TTC28: variants seen among roughly 807,000 people sequenced by gnomAD.
The protein encoded by TTC28 is tetratricopeptide repeat domain 28.
Under a neutral mutation model 198.0 loss-of-function variants are expected in TTC28, and 61 were observed. The observed-to-expected ratio is 0.31, with a 90% CI of 0.25 to 0.38. The LOEUF is 0.38. Ranked by LOEUF, TTC28 falls within the 10% of genes least tolerant of loss-of-function variation. The pLI is 1.00. For missense variants in TTC28, 2,678 were observed against 3,164.0 expected, an observed-to-expected ratio of 0.85 and a Z score of 3.69; for synonymous variants, 1,171 against 1,297.8, an observed-to-expected ratio of 0.90 and a Z score of 2.10.
intron 2 of TTC28, among the ~76,000 whole-genome samples, chr22:28,589,867 G>A (rs888916501): frequency 4.0e-5 from 6 of 151,256 alleles, no homozygotes; most frequent in East Asian, 2.0e-4. Context: ...GTGAAACCCC[G>A]TCTCTACTAA....
At chr22:28,182,635 C>T (rs1923808424) in intron 5 of TTC28, among the ~76,000 whole-genome samples, 1 of 152,140 alleles carries the variant, frequency 6.6e-6, no homozygotes, top group Non-Finnish European at 1.5e-5. Flanking sequence ...ATTACAGCCC[C>T]CCTGCTAAAA....
intron 16 of TTC28, chr22:27,997,746 T>C (rs1034193427): frequency 4.6e-5 from 7 of 152,274 alleles, no homozygotes; most frequent in African/African-American, 1.7e-4. Flanking sequence ...TGAGGTATGT[T>C]GGTAAAACAG....
At chr22:28,610,900 C>A (rs2050807476) in intron 2 of TTC28, among the ~76,000 whole-genome samples, 1 of 152,030 alleles carries the variant, frequency 6.6e-6, no homozygotes, top group South Asian at 2.1e-4. Flanking sequence ...AGCAGAAAAA[C>A]ACAGCATGAG....
intron 19 of TTC28, 67 bp downstream of exon 19, chr22:27,992,520 A>G: frequency 6.6e-7 from 1 of 1,508,034 alleles, no homozygotes; most frequent in Non-Finnish European, 8.9e-7. Context: ...TTTAGGGCCA[A>G]GTTGCTCTGC....
At chr22:28,671,715 G>A (rs149172704) in intron 1 of TTC28, among the ~76,000 whole-genome samples, 4,337 of 146,064 alleles carry the variant, frequency 0.03, 206 homozygotes, top group African/African-American at 0.1. Context: ...TTGCTTTGTC[G>A]CCCAGGCTGG....
chr22:28,444,282 CA>C (rs1294731056), intron 2 of TTC28, among the ~76,000 whole-genome samples: 1 of 152,116 alleles, frequency 6.6e-6, no homozygotes, highest in Non-Finnish European at 1.5e-5. Flanking sequence ...ACTGATGTAC[CA>C]ATGTTCCAAC....
chr22:28,017,236 G>A (rs188218551), intron 13 of TTC28, among the ~76,000 whole-genome samples: 4 of 152,362 alleles, frequency 2.6e-5, no homozygotes, highest in Non-Finnish European at 5.9e-5. Context: ...AAGTGCTAAC[G>A]GCGGTGGCAT....
At chr22:28,522,700 G>C (rs1234184146) in intron 2 of TTC28, among the ~76,000 whole-genome samples, 2 of 152,002 alleles carry the variant, frequency 1.3e-5, no homozygotes, top group African/African-American at 4.8e-5. Flanking sequence ...ACTAAAAAAG[G>C]TATGAAGTAC....
intron 2 of TTC28, among the ~76,000 whole-genome samples, chr22:28,520,074 A>G (rs2048872591): frequency 6.6e-6 from 1 of 152,204 alleles, no homozygotes; most frequent in Non-Finnish European, 1.5e-5. Context: ...CACAAAAGCC[A>G]GTTTCTATAG....
chr22:28,375,960 C>A (rs1032083407), intron 2 of TTC28, among the ~76,000 whole-genome samples: 1 of 152,196 alleles, frequency 6.6e-6, no homozygotes, highest in African/African-American at 2.4e-5. Context: ...TAGCCTTGGA[C>A]TGAGTATTAT....
At chr22:28,591,769 T>A (rs1422779518) in intron 2 of TTC28, among the ~76,000 whole-genome samples, 1 of 152,070 alleles carries the variant, frequency 6.6e-6, no homozygotes, top group Non-Finnish European at 1.5e-5. Context: ...ACAATATGAC[T>A]CAAAGATTTT....
At chr22:28,140,934 AGAGGAGGAGGAG>A (rs57274885) in intron 6 of TTC28, among the ~76,000 whole-genome samples, 5 of 150,916 alleles carry the variant, frequency 3.3e-5, no homozygotes, top group East Asian at 1.9e-4. Context: ...ATGCAAAGGA[AGAGGAGGAGGAG>A]GAGGAGGAGG....
intron 2 of TTC28, among the ~76,000 whole-genome samples, chr22:28,601,521 T>C (rs1006319881): frequency 5.3e-5 from 8 of 152,290 alleles, no homozygotes; most frequent in South Asian, 2.1e-4. Flanking sequence ...GTATTAAATA[T>C]TATAAGTAGT....
intron 12 of TTC28, among the ~76,000 whole-genome samples, chr22:28,066,301 T>TG (rs1248722700): frequency 1.9e-4 from 29 of 150,822 alleles, no homozygotes; most frequent in Non-Finnish European, 3.1e-4. Flanking sequence ...TGTGTGTGTG[T>TG]GTGGTGTGTG....
At chr22:28,452,264 C>T (rs551782188) in intron 2 of TTC28, among the ~76,000 whole-genome samples, 1 of 151,866 alleles carries the variant, frequency 6.6e-6, no homozygotes, top group South Asian at 2.1e-4. Context: ...GTGGCATGCA[C>T]CTGTAGTCCC....
chr22:28,383,906 A>T (rs1358563994), intron 2 of TTC28, among the ~76,000 whole-genome samples: 1 of 152,222 alleles, frequency 6.6e-6, no homozygotes, highest in Non-Finnish European at 1.5e-5. Context: ...CTATTAGAGT[A>T]AAATCTAAAG....
chr22:28,498,856 G>A (rs1400876372), intron 2 of TTC28, among the ~76,000 whole-genome samples: 1 of 152,070 alleles, frequency 6.6e-6, no homozygotes, highest in African/African-American at 2.4e-5. Context: ...TCTTTACTGG[G>A]CCAATATATT....
intron 5 of TTC28, among the ~76,000 whole-genome samples, chr22:28,266,914 C>T (rs1178155965): frequency 1.3e-5 from 2 of 152,264 alleles, no homozygotes; most frequent in African/African-American, 4.8e-5. Context: ...AGAATGACTA[C>T]ATGATGGCAT....
intron 6 of TTC28, among the ~76,000 whole-genome samples, chr22:28,144,497 T>G (rs1028629100): frequency 2.0e-5 from 3 of 152,246 alleles, no homozygotes; most frequent in Middle Eastern, 3.2e-3. Context: ...GGTAAAAATG[T>G]TCTGGAAAGC....
Sources: allele counts gnomAD v4.1 joint callset (sites outside exome capture counted in the v4.1 genomes callset), GRCh38; gene constraint gnomAD v4.1.1; transcripts MANE v1.5; gene names NCBI Gene and HGNC (gene_info 2026-07-23, HGNC 2026-07-21).